Variants in MPHOSPH9 observed in about 807,000 individuals in gnomAD.
MPHOSPH9 encodes M-phase phosphoprotein 9.
In MPHOSPH9, 88 loss-of-function variants were observed where a neutral mutation model predicts 145.5. The observed-to-expected ratio is 0.60, with a 90% CI of 0.51 to 0.72. The LOEUF (loss-of-function observed/expected upper bound fraction) is 0.72, where lower values mean the gene tolerates loss of function less well. Among genes scored for constraint, MPHOSPH9 ranks in the 30% least tolerant of loss-of-function variants. The pLI, the probability that MPHOSPH9 is intolerant of heterozygous loss-of-function variation, is 0.00. For missense variants in MPHOSPH9, 1,238 were observed against 1,386.6 expected (o/e 0.89, Z 1.70); for synonymous variants, 435 against 486.2 (o/e 0.89, Z 1.39).
At chr12:123,203,515 T>G in intron 8 of MPHOSPH9, 140 bp from the exon 9 acceptor site, 1 of 767,894 alleles carries the variant, frequency 1.3e-6, no homozygotes, top group Non-Finnish European at 2.0e-6. Context: ...AATACAAGCT[T>G]GGAAGTCATT....
At chr12:123,183,547 CAAAAAAAAAA>C (rs746928699) in intron 13 of MPHOSPH9, among the ~76,000 whole-genome samples, 1 of 59,990 alleles carries the variant, frequency 1.7e-5, no homozygotes, top group Admixed American at 2.5e-4. Flanking sequence ...GACTCTGTCT[CAAAAAAAAAA>C]AAAAAAAAAA....
At chr12:123,154,146 T>C (rs1265706107), downstream of MPHOSPH9, 2 of 151,568 alleles carry the variant, frequency 1.3e-5, no homozygotes, top group Non-Finnish European at 2.9e-5. Flanking sequence ...GATCCAGGCA[T>C]CAGGGGAGAG....
chr12:123,161,080 T>C (rs1334080581), intron 22 of MPHOSPH9, 56 bp downstream of exon 22: 1 of 1,583,730 alleles, frequency 6.3e-7, no homozygotes, highest in Non-Finnish European at 8.6e-7. Flanking sequence ...CCCTTCTCCT[T>C]AGACATAAGC....
In MPHOSPH9 at chr12:123,166,569, G is replaced by C. The variant is rs1483075868; in HGVS notation, c.2591+86C>G. 4.1e-6 allele frequency: 6 copies of C among 1,449,288 alleles called. No homozygotes were observed. In the African/African-American group the frequency reaches 7.1e-5, roughly 17 times the overall value. The allele number at this position is 1,449,288 out of a possible 1,614,324, so 89.8% of individuals were successfully genotyped here. ...AATTAAGACATTAAAGAACCAAAGA[G>C]AGGGCTTCCCAAACTTTTAAAAGCA... On this transcript the variant is annotated intron_variant, in intron 17 of 23. Transcript: ENST00000606320.
upstream of MPHOSPH9, among the ~76,000 whole-genome samples, chr12:123,235,925 G>A (rs577696774): frequency 5.9e-5 from 9 of 151,954 alleles, no homozygotes; most frequent in South Asian, 2.1e-4. Flanking sequence ...TTAGCTGGGC[G>A]TGGTGGCTGG....
chr12:123,214,902 G>C, intron 6 of MPHOSPH9, 68 bp from the exon 7 acceptor site: 1 of 1,312,592 alleles, frequency 7.6e-7, no homozygotes, highest in Non-Finnish European at 1.1e-6. Context: ...CCCAAGAAAT[G>C]AGAGCCAGGC....
chr12:123,243,039 G>A (rs1302051214), intron 1 of MPHOSPH9, among the ~76,000 whole-genome samples: 1 of 152,176 alleles, frequency 6.6e-6, no homozygotes, highest in Non-Finnish European at 1.5e-5. Context: ...TCGTAGGTAA[G>A]GTGATTCTTA....
In MPHOSPH9 at chr12:123,242,005, T is replaced by C. The variant is rs571281478; in HGVS notation, c.-159+1848A>G. On this transcript the variant is annotated intron_variant, in intron 1 of 2. Coordinates refer to the MPHOSPH9 transcript ENST00000545406. ...TATCCATCCTCAGCTATCACATGTA[T>C]CCTGTTTGTGCTTGTCTTCATTTCT... Among the ~76,000 whole-genome samples the C allele has an allele frequency of 2.6e-5, 4 of 152,322 alleles. No homozygotes were observed. In the South Asian group the frequency reaches 8.3e-4, roughly 32 times the overall value.
At chr12:123,222,015 T>C in intron 4 of MPHOSPH9, 120 bp from the exon 5 acceptor site, 2 of 673,620 alleles carry the variant, frequency 3.0e-6, no homozygotes, top group South Asian at 2.1e-5. Context: ...GATAATGTGA[T>C]ACTTTATCTT....
rs759240736 is a variant in MPHOSPH9, at chr12:123,164,102, CA to C, written c.2768-13del. On this transcript the variant is annotated splice_polypyrimidine_tract_variant and intron_variant, in intron 18 of 23. Coordinates refer to ENST00000606320, the MANE Select transcript of MPHOSPH9 (RefSeq NM_022782.4). ...TTGCCGAGGATTTACTACAGCAGAC[CA>C]AAAAAAAGCAAAACAAAAAACAAAT... is the stretch of plus-strand genomic sequence containing the variant. 18 of 1,607,140 alleles carry C rather than the reference CA, an allele frequency of 1.1e-5. No homozygotes were observed. Among genetic ancestry groups the C allele is most frequent in the Admixed American group, 8.5e-5 (5 of 58,598 alleles).
chr12:123,211,098 C>T (rs534293376), intron 7 of MPHOSPH9, among the ~76,000 whole-genome samples: 1 of 151,138 alleles, frequency 6.6e-6, no homozygotes, highest in Non-Finnish European at 1.5e-5. Flanking sequence ...GATTCTCCTG[C>T]CTCAGCCTCC....
intron 1 of MPHOSPH9, among the ~76,000 whole-genome samples, chr12:123,243,637 G>A (rs1040324344): frequency 1.7e-4 from 26 of 152,040 alleles, no homozygotes; most frequent in African/African-American, 4.3e-4. Flanking sequence ...CCCAGGAGGC[G>A]GAGGTTGCAG....
Position 123,194,355 on chromosome 12 carries a change from C to T in MPHOSPH9, c.2241+31G>A, listed in dbSNP as rs561412170. On this transcript the variant is annotated intron_variant, in intron 13 of 23. Coordinates refer to ENST00000606320, the MANE Select transcript of MPHOSPH9 (RefSeq NM_022782.4). Reference sequence around the variant, plus strand: ...TACCTAAATTACTTTTAGCCAATCACGTCATTAAGTTACTATTATTCGCTA... The same window carrying T: ...TACCTAAATTACTTTTAGCCAATCATGTCATTAAGTTACTATTATTCGCTA... 3.4e-5 allele frequency: 46 copies of T among 1,342,772 alleles called. No individual in the cohort carries two copies. In the South Asian group the frequency reaches 4.6e-4, roughly 13 times the overall value. The allele number at this position is 1,342,772 out of a possible 1,614,324, so 83.2% of individuals were successfully genotyped here. A position where few individuals can be genotyped will look rare whatever the true frequency, so the allele number is the denominator to read the frequency against.
In MPHOSPH9 at chr12:123,218,565, G is replaced by T. The variant is rs192341086; in HGVS notation, c.873-66C>A. On this transcript the variant is annotated intron_variant, in intron 5 of 23. Transcript: ENST00000606320. ...TTTTGAGACAGAGTCTTGCTGTGTC[G>T]CCCAGGCTGGAGTACGGTGGCGCAA... 4.3e-5 allele frequency: 65 copies of T among 1,495,690 alleles called. No individual in the cohort carries two copies. The African/African-American group carries it at 7.1e-4, about 16-fold the overall frequency. 92.7% of individuals were successfully genotyped at this position (1,495,690 alleles called of 1,614,324 possible).
chr12:123,223,252 G>C (rs2047290263), intron 3 of MPHOSPH9, 125 bp from the exon 4 acceptor site: 1 of 505,764 alleles, frequency 2.0e-6, no homozygotes, highest in Non-Finnish European at 3.2e-6. Flanking sequence ...AGAGCCATCA[G>C]CACTCTCATA....
chr12:123,232,343 G>A (rs1248722304), intron 1 of MPHOSPH9, among the ~76,000 whole-genome samples: 2 of 151,806 alleles, frequency 1.3e-5, no homozygotes, highest in African/African-American at 4.8e-5. Flanking sequence ...AAGTAAGAGG[G>A]AAAAATCCTT....
chr12:123,229,603 C>T (rs1277305790), intron 2 of MPHOSPH9, among the ~76,000 whole-genome samples: 1 of 151,948 alleles, frequency 6.6e-6, no homozygotes, highest in African/African-American at 2.4e-5. Flanking sequence ...ATCAATTGTC[C>T]CAATCATTTA....
chr12:123,202,706 G>T lies in MPHOSPH9; in HGVS notation c.1699C>A (p.Gln567Lys), dbSNP rs200496688. 1,038 of 1,614,194 alleles carry T rather than the reference G, an allele frequency of 6.4e-4. No homozygotes were observed. Among genetic ancestry groups the T allele is most frequent in the Non-Finnish European group, 8.4e-4 (996 of 1,180,030 alleles). ...TTGGCTGTACCTGGAAGCTGGGACTGACTGACTGAGGCCGAAGCAACCATG... is the reference window on the plus strand; with the variant it reads ...TTGGCTGTACCTGGAAGCTGGGACTTACTGACTGAGGCCGAAGCAACCATG... ...TVMVASASVS[Q>K]SQLPGTANSV... Residue 567 changes from glutamine to lysine, a missense_variant, in exon 10 of 24, where the codon CAG (glutamine) becomes AAG (lysine). Coordinates refer to ENST00000606320, the MANE Select transcript of MPHOSPH9 (RefSeq NM_022782.4).
upstream of MPHOSPH9, among the ~76,000 whole-genome samples, chr12:123,234,326 A>G (rs987739337): frequency 4.0e-5 from 6 of 151,152 alleles, no homozygotes; most frequent in African/African-American, 1.5e-4. Context: ...CAGATCTGCC[A>G]GGAGGCGTTA....
Sources: gnomAD v4.1 joint callset for allele counts (sites outside exome capture counted in the v4.1 genomes callset) on GRCh38, gnomAD v4.1.1 for gene constraint, MANE v1.5 for transcripts, NCBI Gene and HGNC (gene_info 2026-07-23, HGNC 2026-07-21) for gene names.